Variants in YAF2 observed in about 807,000 individuals in gnomAD.
YAF2 encodes the protein YY1 associated factor 2.
In YAF2, 7 loss-of-function variants were observed where a neutral mutation model predicts 20.1. The observed-to-expected ratio is 0.35, with a 90% CI of 0.20 to 0.65. YAF2 has a LOEUF of 0.65. Ranked by LOEUF, YAF2 falls within the 30% of genes least tolerant of loss-of-function variation. The pLI, the probability that YAF2 is intolerant of heterozygous loss-of-function variation, is 0.69. For missense variants in YAF2, 151 were observed against 219.2 expected, an observed-to-expected ratio of 0.69 and a Z score of 1.96; for synonymous variants, 74 against 76.0, an observed-to-expected ratio of 0.97 and a Z score of 0.14.
chr12:42,188,583 C>T (rs1332636540), intron 2 of YAF2, among the ~76,000 whole-genome samples: 1 of 151,800 alleles, frequency 6.6e-6, no homozygotes, highest in Non-Finnish European at 1.5e-5. Context: ...CAGGGTTTCG[C>T]CATGTTTGCC....
rs913632537 is a variant in YAF2, at chr12:42,179,564, C to A, written c.153-17799G>T. Among the ~76,000 whole-genome samples, 9 of 152,008 alleles carry A rather than the reference C, an allele frequency of 5.9e-5. No homozygotes were observed. The East Asian group carries it at 1.7e-3, about 29-fold the overall frequency. ...TTCTAAAAATAGAAATTGAGGTGGG[C>A]AAATCATTTGAGCTCAGGAGTTTGA... On this transcript the variant is annotated intron_variant, in intron 2 of 3. Coordinates refer to ENST00000534854, the MANE Select transcript of YAF2 (RefSeq NM_005748.6).
chr12:42,162,830 C>T (rs1308418416), intron 2 of YAF2, among the ~76,000 whole-genome samples: 1 of 151,998 alleles, frequency 6.6e-6, no homozygotes, highest in Non-Finnish European at 1.5e-5. Flanking sequence ...TTGCTCAGGG[C>T]CTAGACAGTC....
Position 42,160,341 on chromosome 12 carries a change from C to A in YAF2, c.*248G>T, listed in dbSNP as rs1342490346. The A allele has an allele frequency of 1.6e-5, 7 of 439,448 alleles. No individual in the cohort carries two copies. The highest frequency in any genetic ancestry group is 1.2e-4 in the East Asian group (3 of 25,222). 27.2% of individuals were successfully genotyped at this position (439,448 alleles called of 1,614,324 possible). ...GAAAATACACTTACCAATAACACTG[C>A]ATAATGAATAATTCAACCACATTTT... On this transcript the variant is annotated 3_prime_UTR_variant, in exon 4 of 4. Coordinates refer to ENST00000534854, the MANE Select transcript of YAF2 (RefSeq NM_005748.6).
intron 2 of YAF2, 56 bp from the exon 3 acceptor site, chr12:42,161,821 T>C: frequency 4.1e-6 from 6 of 1,466,978 alleles, no homozygotes; most frequent in Non-Finnish European, 3.7e-6. Flanking sequence ...ACATAAGTGC[T>C]TTATGACAGA....
intron 2 of YAF2, among the ~76,000 whole-genome samples, chr12:42,176,449 C>T (rs1463660789): frequency 1.3e-5 from 2 of 152,074 alleles, no homozygotes; most frequent in African/African-American, 2.4e-5. Context: ...TCTCCCTTCT[C>T]CCACTCTTCC....
Position 42,199,274 on chromosome 12 carries a change from TACACA to T in YAF2, c.153-37514_153-37510del, listed in dbSNP as rs755879360. 8.7e-6 allele frequency: 10 copies of T among 1,144,130 alleles called. No individual in the cohort carries two copies. The South Asian group carries it at 1.3e-4, about 15-fold the overall frequency. The allele number at this position is 1,144,130 out of a possible 1,614,324, so 70.9% of individuals were successfully genotyped here. A position where few individuals can be genotyped will look rare whatever the true frequency, so the allele number is the denominator to read the frequency against. ...TACAGAGTAAGAAAGAAACACTATGTACACATGGAACAGAATTTGACCAATAGTTT... is the reference window on the plus strand; with the variant it reads ...TACAGAGTAAGAAAGAAACACTATGTTGGAACAGAATTTGACCAATAGTTT... On this transcript the variant is annotated intron_variant, in intron 2 of 3. Transcript: ENST00000534854.
intron 2 of YAF2, chr12:42,231,459 C>T (rs1235964402): frequency 6.6e-6 from 1 of 152,158 alleles, no homozygotes; most frequent in African/African-American, 2.4e-5. Flanking sequence ...AGTTGAATAG[C>T]ATTTTCAGAT....
intron 2 of YAF2, among the ~76,000 whole-genome samples, chr12:42,213,946 C>T (rs114204481): frequency 0.011 from 1,613 of 152,242 alleles, 30 homozygotes; most frequent in African/African-American, 0.037. Flanking sequence ...GGCATTAATA[C>T]GCCCCATTAT....
intron 2 of YAF2, chr12:42,234,379 T>A: frequency 1.0e-6 from 1 of 985,262 alleles, no homozygotes; most frequent in Non-Finnish European, 1.2e-6. Context: ...AATTTTGGAG[T>A]GAGGGGCTGA....
intron 2 of YAF2, among the ~76,000 whole-genome samples, chr12:42,204,147 A>G (rs2066975774): frequency 6.6e-6 from 1 of 152,246 alleles, no homozygotes; most frequent in African/African-American, 2.4e-5. Context: ...AATTAAAAAG[A>G]TAATGAAAAG....
intron 2 of YAF2, among the ~76,000 whole-genome samples, chr12:42,225,970 T>C (rs987553282): frequency 2.0e-5 from 3 of 152,246 alleles, no homozygotes; most frequent in Non-Finnish European, 2.9e-5. Flanking sequence ...CTTTGGGAAG[T>C]ATGGCCATTT....
At chr12:42,215,251 A>C (rs1202013995) in intron 2 of YAF2, among the ~76,000 whole-genome samples, 2 of 151,992 alleles carry the variant, frequency 1.3e-5, no homozygotes, top group African/African-American at 4.8e-5. Flanking sequence ...CTAAAACCTG[A>C]ATCTTTAGGC....
intron 2 of YAF2, chr12:42,232,447 C>T: frequency 1.0e-6 from 1 of 985,386 alleles, no homozygotes. Context: ...CACTAATAAT[C>T]ACTTGTAAAA....
chr12:42,197,300 C>T (rs954785791), intron 2 of YAF2, among the ~76,000 whole-genome samples: 1 of 152,184 alleles, frequency 6.6e-6, no homozygotes, highest in African/African-American at 2.4e-5. Flanking sequence ...AAAAATTTGT[C>T]CAACACCCCA....
intron 2 of YAF2, among the ~76,000 whole-genome samples, chr12:42,226,725 T>C (rs2137352742): frequency 6.6e-6 from 1 of 152,298 alleles, no homozygotes; most frequent in African/African-American, 2.4e-5. Context: ...GACAAAATAG[T>C]CTGATAATAT....
chr12:42,190,850 T>C (rs2066594562), intron 2 of YAF2, among the ~76,000 whole-genome samples: 1 of 152,100 alleles, frequency 6.6e-6, no homozygotes, highest in South Asian at 2.1e-4. Context: ...CTCCCTTTTG[T>C]TATTAACCTA....
At chr12:42,174,100 GA>G (rs200411659) in intron 2 of YAF2, among the ~76,000 whole-genome samples, 38,450 of 119,198 alleles carry the variant, frequency 0.32, 5,192 homozygotes, top group African/African-American at 0.4. Flanking sequence ...ACCTCAAAAA[GA>G]AAAAAAAAAA....
intron 2 of YAF2, among the ~76,000 whole-genome samples, chr12:42,177,514 A>T (rs1241244886): frequency 6.6e-6 from 1 of 152,170 alleles, no homozygotes; most frequent in Non-Finnish European, 1.5e-5. Flanking sequence ...TTACAAGGCC[A>T]CCAATCCTAC....
chr12:42,173,442 C>T (rs1349673525), intron 2 of YAF2, among the ~76,000 whole-genome samples: 1 of 152,166 alleles, frequency 6.6e-6, no homozygotes, highest in Non-Finnish European at 1.5e-5. Context: ...AAGTTTTCAG[C>T]AAAGCCTCTC....
Sources: gnomAD v4.1 joint callset for allele counts (sites outside exome capture counted in the v4.1 genomes callset) on GRCh38, gnomAD v4.1.1 for gene constraint, MANE v1.5 for transcripts, NCBI Gene and HGNC (gene_info 2026-07-23, HGNC 2026-07-21) for gene names.